SLC9A9: variants seen among roughly 807,000 people sequenced by gnomAD.
SLC9A9 encodes solute carrier family 9 member A9.
In SLC9A9, 62 loss-of-function variants were observed where a neutral mutation model predicts 77.8. That is an observed-to-expected ratio of 0.80 (90% CI 0.65 to 0.98). The LOEUF (loss-of-function observed/expected upper bound fraction) is 0.98, where lower values mean the gene tolerates loss of function less well. SLC9A9 is among the 50% of genes least tolerant of loss of function. SLC9A9 has a pLI of 0.00. For missense variants in SLC9A9, 775 were observed against 774.9 expected, an observed-to-expected ratio of 1.00 and a Z score of 0.00; for synonymous variants, 320 against 283.5, an observed-to-expected ratio of 1.13 and a Z score of -1.29.
rs16853855 is a variant in SLC9A9 at position 143,580,199 on chromosome 3, G to T, written c.756-1476C>A. Among the ~76,000 whole-genome samples, 609 of 152,286 alleles carry T rather than the reference G, an allele frequency of 4.0e-3. 2 individuals carry two copies. The highest frequency in any genetic ancestry group is 6.8e-3 in the Middle Eastern group (2 of 294). ...GGTTGTTAGGAAACCTGGTGCCCAA[G>T]GCTGTGATGCTTGATGTGTTTGAGT... On this transcript the variant is annotated intron_variant, in intron 6 of 15. Coordinates refer to ENST00000316549, the MANE Select transcript of SLC9A9 (RefSeq NM_173653.4).
chr3:143,416,716 T>A (rs2034199758), intron 12 of SLC9A9, among the ~76,000 whole-genome samples: 1 of 152,232 alleles, frequency 6.6e-6, no homozygotes, highest in Non-Finnish European at 1.5e-5. Flanking sequence ...TTTATTACAG[T>A]GGTTTGGAAC....
intron 10 of SLC9A9, 84 bp from the exon 11 acceptor site, chr3:143,493,848 A>C (rs2035790517): frequency 2.0e-6 from 2 of 1,010,778 alleles, no homozygotes; most frequent in South Asian, 1.3e-5. Context: ...TATGTCCTCA[A>C]GCTTCTCTTC....
chr3:143,702,001 A>G (rs927079837), intron 4 of SLC9A9, among the ~76,000 whole-genome samples: 3 of 152,210 alleles, frequency 2.0e-5, no homozygotes, highest in African/African-American at 7.2e-5. Context: ...GCCAGGAGAG[A>G]GTGGCATGAC....
chr3:143,743,282 GATA>G (rs1349779897), intron 4 of SLC9A9, among the ~76,000 whole-genome samples: 18 of 136,958 alleles, frequency 1.3e-4, no homozygotes, highest in Non-Finnish European at 2.3e-4. Flanking sequence ...TAGATAGATA[GATA>G]GATAGACAGA....
At chr3:143,586,454 T>A (rs1345520124) in intron 6 of SLC9A9, among the ~76,000 whole-genome samples, 1 of 152,204 alleles carries the variant, frequency 6.6e-6, no homozygotes, top group Non-Finnish European at 1.5e-5. Flanking sequence ...AACGAAAATG[T>A]GTAAAACCTG....
chr3:143,308,772 G>A (rs921250718), intron 14 of SLC9A9, among the ~76,000 whole-genome samples: 3 of 152,110 alleles, frequency 2.0e-5, no homozygotes, highest in African/African-American at 7.2e-5. Flanking sequence ...ACAGTGCCTG[G>A]CCCAGGGTAA....
intron 6 of SLC9A9, among the ~76,000 whole-genome samples, chr3:143,637,064 C>T (rs906188954): frequency 2.6e-5 from 4 of 152,160 alleles, no homozygotes; most frequent in African/African-American, 9.7e-5. Flanking sequence ...CCAATTCTGT[C>T]ACCATGAAAA....
In SLC9A9 at chr3:143,621,338, C is replaced by T. The variant is rs182543533; in HGVS notation, c.755+30917G>A. On this transcript the variant is annotated intron_variant, in intron 6 of 15. Transcript: ENST00000316549. ...CCTCCTCAAGTGGGTCCCTGACCCC[C>T]GAATAGCCTAACTGGGAGGCACCCC... Among the ~76,000 whole-genome samples the T allele has an allele frequency of 7.6e-3, 1,159 of 152,222 alleles. 14 individuals are homozygous for T. The highest frequency in any genetic ancestry group is 0.027 in the African/African-American group (1,111 of 41,552).
intron 9 of SLC9A9, among the ~76,000 whole-genome samples, chr3:143,537,179 C>G (rs1236807499): frequency 1.3e-5 from 2 of 152,242 alleles, no homozygotes; most frequent in Admixed American, 1.3e-4. Flanking sequence ...TCTGGCCACT[C>G]TTTAGAATCA....
At chr3:143,758,282 GC>G (rs2006995319) in intron 4 of SLC9A9, among the ~76,000 whole-genome samples, 1 of 152,138 alleles carries the variant, frequency 6.6e-6, no homozygotes, top group African/African-American at 2.4e-5. Flanking sequence ...TCATTTACCA[GC>G]CAACCTAGTT....
chr3:143,790,798 A>G (rs991332218), intron 4 of SLC9A9, among the ~76,000 whole-genome samples: 28 of 152,250 alleles, frequency 1.8e-4, no homozygotes, highest in Admixed American at 1.7e-3. Context: ...TAAATGAGGT[A>G]TTCTTAAAAT....
chr3:143,631,574 T>C (rs562827227), intron 6 of SLC9A9, among the ~76,000 whole-genome samples: 1 of 152,220 alleles, frequency 6.6e-6, no homozygotes, highest in South Asian at 2.1e-4. Flanking sequence ...GAGCACAAAA[T>C]ATATTGCCTT....
intron 12 of SLC9A9, among the ~76,000 whole-genome samples, chr3:143,434,593 C>G (rs900356824): frequency 6.6e-6 from 1 of 152,150 alleles, no homozygotes; most frequent in Non-Finnish European, 1.5e-5. Context: ...CCTTTCCACT[C>G]CTTATTTCTC....
chr3:143,542,734 C>T (rs1173016695), intron 9 of SLC9A9, among the ~76,000 whole-genome samples: 3 of 152,314 alleles, frequency 2.0e-5, no homozygotes, highest in African/African-American at 4.8e-5. Context: ...ATTCTCTTCT[C>T]TATTTTTTAT....
At chr3:143,681,521 A>G (rs1933093747) in intron 5 of SLC9A9, among the ~76,000 whole-genome samples, 1 of 152,198 alleles carries the variant, frequency 6.6e-6, no homozygotes, top group Non-Finnish European at 1.5e-5. Context: ...ATATTTACTG[A>G]TAGTCTCCTC....
chr3:143,565,189 T>G (rs1056147903), intron 8 of SLC9A9, among the ~76,000 whole-genome samples: 4 of 152,170 alleles, frequency 2.6e-5, no homozygotes, highest in African/African-American at 9.7e-5. Flanking sequence ...GATTATTGTG[T>G]CTCCTTTTGG....
intron 5 of SLC9A9, among the ~76,000 whole-genome samples, chr3:143,655,163 G>A (rs1359880031): frequency 6.6e-6 from 1 of 152,196 alleles, no homozygotes; most frequent in Non-Finnish European, 1.5e-5. Context: ...GCTGAGCTTG[G>A]AGCTTTTAAA....
At chr3:143,789,022 G>A (rs2008140571) in intron 4 of SLC9A9, among the ~76,000 whole-genome samples, 2 of 152,090 alleles carry the variant, frequency 1.3e-5, no homozygotes, top group African/African-American at 4.8e-5. Context: ...ATTGATACCA[G>A]TACTTTGGAA....
intron 12 of SLC9A9, among the ~76,000 whole-genome samples, chr3:143,396,260 T>A (rs895960861): frequency 1.3e-5 from 2 of 152,188 alleles, no homozygotes; most frequent in Non-Finnish European, 2.9e-5. Context: ...CATGGAATAC[T>A]ATGCAGCCAT....
Sources: allele counts gnomAD v4.1 joint callset (sites outside exome capture counted in the v4.1 genomes callset), GRCh38; gene constraint gnomAD v4.1.1; transcripts MANE v1.5; gene names NCBI Gene and HGNC (gene_info 2026-07-23, HGNC 2026-07-21).